Variants in IQSEC1 observed in about 807,000 individuals in gnomAD.
IQSEC1 encodes the protein IQ motif and Sec7 domain ArfGEF 1.
In IQSEC1, 31 loss-of-function variants were observed where a neutral mutation model predicts 91.0. The observed-to-expected ratio is 0.34, with a 90% CI of 0.26 to 0.46. IQSEC1 has a LOEUF of 0.46. IQSEC1 is among the 20% of genes least tolerant of loss of function. The pLI, the probability that IQSEC1 is intolerant of heterozygous loss-of-function variation, is 1.00. For synonymous variants in IQSEC1, 699 were observed against 662.6 expected (o/e 1.05, Z -0.84); for missense variants, 1,388 against 1,575.6 (o/e 0.88, Z 2.02).
intron 1 of IQSEC1, chr3:13,015,643 C>CG (rs950514017): frequency 3.9e-5 from 38 of 985,088 alleles, no homozygotes; most frequent in Admixed American, 6.2e-5. Flanking sequence ...TCTGCGGCCC[C>CG]GGGGGATGAG....
intron 1 of IQSEC1, among the ~76,000 whole-genome samples, chr3:12,990,054 G>A (rs1701917800): frequency 6.6e-6 from 1 of 152,190 alleles, no homozygotes; most frequent in Admixed American, 6.5e-5. Flanking sequence ...TTCAGCATCT[G>A]GCTGAGCTAA....
rs76427117 is a variant in IQSEC1 at position 12,979,792 on chromosome 3, T to C, written c.24-37927A>G. 0.026 allele frequency among the ~76,000 whole-genome samples: 3,935 copies of C among 152,256 alleles called. 69 individuals carry two copies. Among genetic ancestry groups the C allele is most frequent in the Non-Finnish European group, 0.04 (2,742 of 68,012 alleles). ...CTCATGTTCCAGGTGGTATGCTCCA[T>C]GTCACCAAGAGCTGAGCCTGTGCCT... On this transcript the variant is annotated intron_variant, in intron 1 of 13. Transcript: ENST00000613206. The surrounding 1 kb of genome is among the most constrained non-coding windows in gnomAD (Gnocchi z 4.3).
chr3:13,239,285 C>T (rs1040823554), intron 1 of IQSEC1, among the ~76,000 whole-genome samples: 10 of 152,210 alleles, frequency 6.6e-5, no homozygotes, highest in Admixed American at 5.9e-4. Flanking sequence ...GCACATAGTG[C>T]GGAATGAACT....
chr3:13,003,466 C>T (rs1224851956), intron 1 of IQSEC1, among the ~76,000 whole-genome samples: 5 of 152,012 alleles, frequency 3.3e-5, no homozygotes, highest in Admixed American at 3.3e-4. Context: ...TTGTTGAGGA[C>T]TTGGGATGGC....
intron 2 of IQSEC1, among the ~76,000 whole-genome samples, chr3:13,089,061 G>A (rs111980910): frequency 8.2e-4 from 125 of 152,326 alleles, no homozygotes; most frequent in African/African-American, 2.8e-3. Flanking sequence ...GTAACCGCTG[G>A]ACATATGCCC....
intron 1 of IQSEC1, among the ~76,000 whole-genome samples, chr3:12,966,143 C>A (rs1053083809): frequency 6.6e-6 from 1 of 152,198 alleles, no homozygotes; most frequent in African/African-American, 2.4e-5. Context: ...CATGTCCAGA[C>A]TGCTGCCACT....
At chr3:12,926,320 A>G (rs575452442) in intron 3 of IQSEC1, among the ~76,000 whole-genome samples, 1 of 152,176 alleles carries the variant, frequency 6.6e-6, no homozygotes, top group East Asian at 1.9e-4. Context: ...AAAAAAAAAA[A>G]AAACAAAAAA....
intron 1 of IQSEC1, among the ~76,000 whole-genome samples, chr3:12,959,718 T>C (rs1225495028): frequency 1.3e-5 from 2 of 152,210 alleles, no homozygotes; most frequent in East Asian, 1.9e-4. Flanking sequence ...AGGTCCTTGA[T>C]ATAAAATCAA....
chr3:13,279,086 C>T (rs1401670492), intron 1 of IQSEC1, among the ~76,000 whole-genome samples: 1 of 152,118 alleles, frequency 6.6e-6, no homozygotes, highest in Non-Finnish European at 1.5e-5. Flanking sequence ...AGCCATCGGC[C>T]CCACCCCTGC....
rs377424300 is a variant in IQSEC1, at chr3:13,138,630, C to T, written c.302+25474G>A. Among the ~76,000 whole-genome samples, 18 of 152,236 alleles carry T rather than the reference C, an allele frequency of 1.2e-4. No homozygotes were observed. The East Asian group carries it at 3.5e-3, about 29-fold the overall frequency. On this transcript the variant is annotated intron_variant, in intron 2 of 15. Transcript: ENST00000648114. ...CTAACACAGAGGCCAGGGAGGGGCC[C>T]ATGATCATCCTCTAGTTCAGGGGCA... is the stretch of plus-strand genomic sequence containing the variant.
Position 12,967,695 on chromosome 3 carries a change from G to A in IQSEC1, c.24-25830C>T. On this transcript the variant is annotated intron_variant, in intron 1 of 13. Coordinates refer to ENST00000613206, the MANE Select transcript of IQSEC1 (RefSeq NM_001134382.3). This position sits in a 1 kb window ranked among gnomAD's most constrained non-coding sequence, Gnocchi z 5.9. ...CCTCCGCCGCCGCCCGCTTGGCGCAGCGCGAGGCCGGGCCGGAGGAATGTG... is the reference window on the plus strand; with the variant it reads ...CCTCCGCCGCCGCCCGCTTGGCGCAACGCGAGGCCGGGCCGGAGGAATGTG... 4.4e-6 allele frequency: 5 copies of A among 1,145,168 alleles called. No individual in the cohort carries two copies. The highest frequency in any genetic ancestry group is 3.3e-5 in the African/African-American group (2 of 61,362). 70.9% of individuals were successfully genotyped at this position (1,145,168 alleles called of 1,614,324 possible). A position where few individuals can be genotyped will look rare whatever the true frequency, so the allele number is the denominator to read the frequency against.
chr3:13,056,098 G>C (rs144660039), intron 1 of IQSEC1, among the ~76,000 whole-genome samples: 1 of 152,228 alleles, frequency 6.6e-6, no homozygotes, highest in Non-Finnish European at 1.5e-5. Context: ...GCTTGCCTGG[G>C]TGGGATCAAG....
intron 1 of IQSEC1, among the ~76,000 whole-genome samples, chr3:13,039,159 C>T (rs1019928477): frequency 6.6e-6 from 1 of 152,212 alleles, no homozygotes; most frequent in Non-Finnish European, 1.5e-5. Flanking sequence ...GAGGGCTTGC[C>T]GCCTCCCACA....
In IQSEC1 at chr3:13,046,671, C is replaced by T. The variant is rs369464184; in HGVS notation, c.23+26321G>A. Among the ~76,000 whole-genome samples the T allele has an allele frequency of 5.3e-5, 8 of 152,256 alleles. No individual in the cohort carries two copies. In the East Asian group the frequency reaches 1.2e-3, roughly 22 times the overall value. On this transcript the variant is annotated intron_variant, in intron 1 of 13. Transcript: ENST00000613206. ...ACTCCCCTCCTCCCTCTCCATGGCC[C>T]GGCCACATCCACCCTCCACAGGTCC...
At chr3:12,946,587 T>C (rs1409725860) in intron 1 of IQSEC1, among the ~76,000 whole-genome samples, 2 of 152,158 alleles carry the variant, frequency 1.3e-5, no homozygotes, top group African/African-American at 2.4e-5. Flanking sequence ...TAAATGAGCA[T>C]CGACAAGGGG....
At chr3:13,191,444 C>T (rs1694028689) in intron 1 of IQSEC1, among the ~76,000 whole-genome samples, 2 of 149,572 alleles carry the variant, frequency 1.3e-5, no homozygotes, top group Non-Finnish European at 3.0e-5. Context: ...TGTGTATTTC[C>T]AGCCTGCAGC....
intron 6 of IQSEC1, among the ~76,000 whole-genome samples, chr3:12,918,890 C>T (rs1177478029): frequency 6.6e-6 from 1 of 151,992 alleles, no homozygotes; most frequent in Non-Finnish European, 1.5e-5. Flanking sequence ...GCCAGAGGGA[C>T]CTCTAAATAT....
At chr3:12,964,710 C>T (rs1216586927) in intron 1 of IQSEC1, among the ~76,000 whole-genome samples, 4 of 152,170 alleles carry the variant, frequency 2.6e-5, no homozygotes, top group Admixed American at 2.0e-4. Context: ...AATCTGTTTG[C>T]CTCCCCAGGC....
intron 1 of IQSEC1, 99 bp from the exon 2 acceptor site, chr3:12,941,964 C>A: frequency 1.7e-6 from 2 of 1,143,196 alleles, no homozygotes; most frequent in Non-Finnish European, 2.4e-6. Context: ...TGGAGGAGCC[C>A]CCATGCCCGT....
Sources: gnomAD v4.1 joint callset for allele counts (sites outside exome capture counted in the v4.1 genomes callset) on GRCh38, gnomAD v4.1.1 for gene constraint, Gnocchi (gnomAD v3.1) non-coding constraint, MANE v1.5 for transcripts, NCBI Gene and HGNC (gene_info 2026-07-23, HGNC 2026-07-21) for gene names.